RBFOX3: variants seen among roughly 807,000 people sequenced by gnomAD.
RBFOX3 encodes the protein RNA binding fox-1 homolog 3.
Under a neutral mutation model 48.7 loss-of-function variants are expected in RBFOX3, and 17 were observed. The ratio of observed to expected loss-of-function variants is 0.35; its 90% CI spans 0.24 to 0.52. The LOEUF is 0.52. Ranked by LOEUF, RBFOX3 falls within the 20% of genes least tolerant of loss-of-function variation. RBFOX3 has a pLI of 0.94. For missense variants in RBFOX3, 382 were observed against 497.5 expected (o/e 0.77, Z 2.21); for synonymous variants, 212 against 209.5 (o/e 1.01, Z -0.10).
chr17:79,154,502 G>A (rs978053132), intron 4 of RBFOX3, among the ~76,000 whole-genome samples: 13 of 152,232 alleles, frequency 8.5e-5, no homozygotes, highest in African/African-American at 2.9e-4. Context: ...GGGGAAGGGT[G>A]GATGGAGGGA....
intron 1 of RBFOX3, among the ~76,000 whole-genome samples, chr17:79,605,348 G>A (rs1275835036): frequency 6.6e-6 from 1 of 152,154 alleles, no homozygotes; most frequent in African/African-American, 2.4e-5. Flanking sequence ...AGCTTTCTAT[G>A]CTCAGGCAGT....
At chr17:79,521,251 CACACACTCACAGACACACGCACAG>C (rs1162434267) in intron 1 of RBFOX3, among the ~76,000 whole-genome samples, 3 of 150,836 alleles carry the variant, frequency 2.0e-5, no homozygotes, top group East Asian at 3.9e-4. Flanking sequence ...CCCAGGCACA[CACACACTCACAGACACACGCACAG>C]ACACATGCAC....
chr17:79,532,003 G>A (rs1168178219), intron 1 of RBFOX3, among the ~76,000 whole-genome samples: 6 of 152,222 alleles, frequency 3.9e-5, no homozygotes, highest in African/African-American at 1.2e-4. Flanking sequence ...GTGGACCCTT[G>A]AACCCAGATT....
At chr17:79,650,731 A>G in the RBFOX3 span, among the ~76,000 whole-genome samples, 1 of 151,842 alleles carries the variant, frequency 6.6e-6, no homozygotes, top group Non-Finnish European at 1.5e-5. Context: ...CTATAAATAC[A>G]CCGACACTTA....
At chr17:79,215,207 C>T (rs531897798) in intron 4 of RBFOX3, among the ~76,000 whole-genome samples, 2 of 152,278 alleles carry the variant, frequency 1.3e-5, no homozygotes, top group Non-Finnish European at 2.9e-5. Context: ...CTGAAGCTCC[C>T]AGGCCCCAGA....
upstream of RBFOX3, among the ~76,000 whole-genome samples, chr17:79,611,967 TG>T (rs1323107650): frequency 1.3e-5 from 2 of 152,148 alleles, 1 homozygote; most frequent in Admixed American, 1.3e-4. Context: ...GTAAGGGGCC[TG>T]GTGTGAGTTC....
chr17:79,530,903 C>T (rs1443861573), intron 1 of RBFOX3, among the ~76,000 whole-genome samples: 1 of 152,228 alleles, frequency 6.6e-6, no homozygotes, highest in African/African-American at 2.4e-5. Context: ...ATATTCCAGG[C>T]CTGGCGGGTT....
chr17:79,419,673 CCT>C (rs1876019097), intron 2 of RBFOX3, among the ~76,000 whole-genome samples: 1 of 152,202 alleles, frequency 6.6e-6, no homozygotes, highest in Admixed American at 6.5e-5. Context: ...CTGCAGTCCC[CCT>C]CACAATGTGG....
In RBFOX3 at chr17:79,391,891, C is replaced by T. The variant is rs2061413140; in HGVS notation, c.-174-84067G>A. ...AAAAAAGGCTCCAGGCTGGACAAGC[C>T]CCAGGTCCCCTCCTTCCCGGTTCTG... On this transcript the variant is annotated intron_variant, in intron 2 of 14. Transcript: ENST00000693108. The surrounding 1 kb of genome is among the most constrained non-coding windows in gnomAD (Gnocchi z 5.0). Among the ~76,000 whole-genome samples, 1 of 152,142 alleles carries T rather than the reference C, an allele frequency of 6.6e-6. No homozygotes were observed. The highest frequency in any genetic ancestry group is 2.4e-5 in the African/African-American group (1 of 41,434).
At chr17:79,618,605 G>A in the RBFOX3 span, among the ~76,000 whole-genome samples, 33 of 152,144 alleles carry the variant, frequency 2.2e-4, no homozygotes, top group African/African-American at 7.5e-4. Flanking sequence ...AAGGAGAGGC[G>A]GGCTGCATAA....
At chr17:79,569,738 AAG>A (rs1446414002) in intron 1 of RBFOX3, among the ~76,000 whole-genome samples, 1 of 152,246 alleles carries the variant, frequency 6.6e-6, no homozygotes, top group African/African-American at 2.4e-5. Flanking sequence ...GTCAACATCT[AAG>A]AGTGTTTGGA....
At chr17:79,170,544 T>C (rs1008023489) in intron 4 of RBFOX3, among the ~76,000 whole-genome samples, 6 of 152,188 alleles carry the variant, frequency 3.9e-5, no homozygotes, top group African/African-American at 1.4e-4. Context: ...TGCACCGTCC[T>C]GAAGCCAGAA....
At chr17:79,546,522 T>C (rs1555791954) in intron 1 of RBFOX3, among the ~76,000 whole-genome samples, 1 of 142,180 alleles carries the variant, frequency 7.0e-6, no homozygotes, top group African/African-American at 3.1e-5. Context: ...TCCATGCCCA[T>C]CCATCTGACG....
At chr17:79,122,216 T>G (rs1048312909) in intron 4 of RBFOX3, among the ~76,000 whole-genome samples, 6 of 152,146 alleles carry the variant, frequency 3.9e-5, no homozygotes, top group Admixed American at 3.9e-4. Context: ...TGCTCCCACC[T>G]TGGTCGGGCC....
Position 79,346,595 on chromosome 17 carries a change from A to G in RBFOX3, c.-174-38771T>C, listed in dbSNP as rs1336951179. On this transcript the variant is annotated intron_variant, in intron 2 of 14. Coordinates refer to ENST00000693108, the MANE Select transcript of RBFOX3 (RefSeq NM_001350451.2). ...GTTCTGGCTAATTTTTGGTGTCTTA[A>G]TCTTCTATATCGTCATTTGATGAGG... 7.2e-5 allele frequency among the ~76,000 whole-genome samples: 11 copies of G among 152,120 alleles called. No homozygotes were observed. The East Asian group carries it at 2.1e-3, about 29-fold the overall frequency.
intron 2 of RBFOX3, among the ~76,000 whole-genome samples, chr17:79,378,645 T>G (rs2059520980): frequency 6.6e-6 from 1 of 152,062 alleles, no homozygotes; most frequent in African/African-American, 2.4e-5. Flanking sequence ...AGAAACCTCC[T>G]CTCGCTCTCC....
At chr17:79,620,139 G>A in the RBFOX3 span, among the ~76,000 whole-genome samples, 312 of 125,892 alleles carry the variant, frequency 2.5e-3, 4 homozygotes, top group Non-Finnish European at 3.0e-3. Flanking sequence ...ACATGCACAC[G>A]CGCACACACA....
chr17:79,469,206 A>T (rs1315161574), intron 2 of RBFOX3, among the ~76,000 whole-genome samples: 5 of 152,178 alleles, frequency 3.3e-5, no homozygotes, highest in Admixed American at 3.3e-4. Context: ...AGGTCGGTCC[A>T]GGTCTTGACA....
intron 2 of RBFOX3, among the ~76,000 whole-genome samples, chr17:79,385,843 C>A (rs2060488700): frequency 1.3e-5 from 2 of 151,140 alleles, no homozygotes; most frequent in Admixed American, 1.3e-4. Flanking sequence ...GAGGCTCCAT[C>A]ACCCTCCATT....
Sources: gnomAD v4.1 joint callset for allele counts (sites outside exome capture counted in the v4.1 genomes callset) on GRCh38, gnomAD v4.1.1 for gene constraint, Gnocchi (gnomAD v3.1) non-coding constraint, MANE v1.5 for transcripts, NCBI Gene and HGNC (gene_info 2026-07-23, HGNC 2026-07-21) for gene names.